Variants in AOPEP observed in about 807,000 individuals in gnomAD.
AOPEP encodes aminopeptidase O (putative), also known as aminopeptidase O.
AOPEP carries 77 observed loss-of-function variants against 98.1 expected under a neutral mutation model. The observed-to-expected ratio is 0.78, with a 90% CI of 0.65 to 0.95. The LOEUF is 0.95. AOPEP is among the 40% of genes least tolerant of loss of function. The pLI, the probability that AOPEP is intolerant of heterozygous loss-of-function variation, is 0.00. For missense variants in AOPEP, 1,024 were observed against 1,024.7 expected (o/e 1.00, Z 0.01); for synonymous variants, 346 against 365.3 (o/e 0.95, Z 0.60).
In AOPEP at chr9:94,846,239, C is replaced by T. The variant is rs542909392; in HGVS notation, c.1364+45237C>T. Among the ~76,000 whole-genome samples, 168 of 152,078 alleles carry T rather than the reference C, an allele frequency of 1.1e-3. 2 individuals are homozygous for T. Among genetic ancestry groups the T allele is most frequent in the Admixed American group, 1.9e-3 (29 of 15,278 alleles). ...ACGTCATGAAACTGGAGAAGCACAA[C>T]GTGGAAGGAGGTGGAAAGAAGATCA... On this transcript the variant is annotated intron_variant, in intron 5 of 16. Transcript: ENST00000375315.
chr9:94,949,455 GT>G (rs1033390981), intron 7 of AOPEP, among the ~76,000 whole-genome samples: 1 of 152,158 alleles, frequency 6.6e-6, no homozygotes, highest in Non-Finnish European at 1.5e-5. Flanking sequence ...AATAAACCTT[GT>G]TTATTTTCCC....
At chr9:94,782,204 CAAAA>C (rs1334437700) in intron 3 of AOPEP, among the ~76,000 whole-genome samples, 1 of 151,336 alleles carries the variant, frequency 6.6e-6, no homozygotes, top group African/African-American at 2.4e-5. Context: ...AAAAAAGAAA[CAAAA>C]AAAGAAAAAG....
chr9:94,838,099 C>T lies in AOPEP; in HGVS notation c.1364+37097C>T, dbSNP rs556837729. On this transcript the variant is annotated intron_variant, in intron 5 of 16. Transcript: ENST00000375315. ...TCTCGGCTCACTGCAAGCCCCGCCT[C>T]CTGGGTTCACGCCATTCTCCTGCCT... Among the ~76,000 whole-genome samples the T allele has an allele frequency of 2.0e-5, 3 of 152,236 alleles. No homozygotes were observed. In the South Asian group the frequency reaches 6.2e-4, roughly 32 times the overall value.
At chr9:94,989,028 C>T (rs553606052) in intron 11 of AOPEP, among the ~76,000 whole-genome samples, 15 of 151,788 alleles carry the variant, frequency 9.9e-5, no homozygotes, top group Non-Finnish European at 1.5e-4. Context: ...CCTGCCTCAG[C>T]GGGGGCAAAC....
intron 5 of AOPEP, among the ~76,000 whole-genome samples, chr9:94,856,864 CAA>C (rs1457890626): frequency 1.3e-5 from 2 of 152,170 alleles, no homozygotes; most frequent in Admixed American, 1.3e-4. Context: ...CATGGAGAGG[CAA>C]AGAGTTCGCT....
chr9:95,086,229 T>G (rs1210615664), intron 16 of AOPEP: 6 of 1,269,332 alleles, frequency 4.7e-6, no homozygotes, highest in Non-Finnish European at 6.1e-6. Flanking sequence ...GTCATCTGCA[T>G]GTGCTCCTGC....
chr9:95,140,768 A>G, the AOPEP span, among the ~76,000 whole-genome samples: 1 of 152,214 alleles, frequency 6.6e-6, no homozygotes, highest in East Asian at 1.9e-4. Flanking sequence ...GTTTGATCCT[A>G]AAGTTGTATT....
At chr9:95,104,038 G>A in the AOPEP span, among the ~76,000 whole-genome samples, 1 of 152,160 alleles carries the variant, frequency 6.6e-6, no homozygotes, top group Non-Finnish European at 1.5e-5. Flanking sequence ...AGCTGTAGGA[G>A]GGAAAGGCCG....
At chr9:95,021,288 C>T (rs1333551990) in intron 13 of AOPEP, among the ~76,000 whole-genome samples, 2 of 152,130 alleles carry the variant, frequency 1.3e-5, no homozygotes, top group Non-Finnish European at 2.9e-5. Flanking sequence ...CATATTTTCT[C>T]TCTAACACAA....
At chr9:94,934,315 C>CTTTTTTTTTTTTTTTTTT (rs974551445) in intron 7 of AOPEP, among the ~76,000 whole-genome samples, 16 of 116,732 alleles carry the variant, frequency 1.4e-4, no homozygotes, top group African/African-American at 6.3e-4. Flanking sequence ...CTTCTCCCAT[C>CTTTTTTTTTTTTTTTTTT]TTTTTTTTTT....
At chr9:94,847,405 T>A (rs370329749) in intron 5 of AOPEP, among the ~76,000 whole-genome samples, 64 of 152,272 alleles carry the variant, frequency 4.2e-4, no homozygotes, top group African/African-American at 1.5e-3. Flanking sequence ...CTGTGGGATG[T>A]GGAGGCAGCA....
chr9:95,121,877 A>AGAT, the AOPEP span, among the ~76,000 whole-genome samples: 2 of 140,162 alleles, frequency 1.4e-5, no homozygotes, highest in South Asian at 2.2e-4. Flanking sequence ...TTTTTTTTTG[A>AGAT]GATGGAGTCT....
intron 15 of AOPEP, among the ~76,000 whole-genome samples, chr9:95,081,792 T>A (rs2069818983): frequency 6.6e-6 from 1 of 152,148 alleles, no homozygotes; most frequent in South Asian, 2.1e-4. Context: ...GGGAAAGCAC[T>A]TTTGAACCCT....
At position 94,760,546 on chromosome 9, in the gene AOPEP, C is replaced by T. The variant is rs779393035; in HGVS notation, c.763C>T (p.Arg255Ter). The stretch of plus-strand genomic sequence containing the variant: ...ATGGTACAAAACTAAACCTGAAGGG[C>T]GATCGGTTACATGGACCTCAGACCA... ...RIWYKTKPEG[R>*]SVTWTSDQSG... The change falls in exon 2 of 17, where the codon CGA becomes TGA. Residue 255 changes from arginine (R) to a stop codon, truncating the protein, a stop_gained. Transcript: ENST00000375315. LOFTEE classifies it high-confidence loss of function. 58 of 1,560,416 alleles carry T rather than the reference C, an allele frequency of 3.7e-5. No individual in the cohort carries two copies. The highest frequency in any genetic ancestry group is 7.4e-5 in the South Asian group (6 of 80,616).
intron 7 of AOPEP, among the ~76,000 whole-genome samples, chr9:94,951,409 T>C (rs1003375370): frequency 6.6e-6 from 1 of 152,216 alleles, no homozygotes; most frequent in Admixed American, 6.5e-5. Flanking sequence ...CCTGGGTTCT[T>C]AACCTCGACT....
intron 5 of AOPEP, among the ~76,000 whole-genome samples, chr9:94,878,412 A>G (rs2047211479): frequency 6.6e-6 from 1 of 151,424 alleles, no homozygotes; most frequent in East Asian, 1.9e-4. Flanking sequence ...GTCCTTTCCA[A>G]CAGGGTTCAA....
At chr9:94,969,508 A>T (rs1431490016) in intron 10 of AOPEP, among the ~76,000 whole-genome samples, 2 of 151,770 alleles carry the variant, frequency 1.3e-5, no homozygotes, top group African/African-American at 4.8e-5. Flanking sequence ...CCTGGATTCA[A>T]GCCATTCTTC....
chr9:94,848,718 T>C (rs2043166046), intron 5 of AOPEP, among the ~76,000 whole-genome samples: 1 of 152,106 alleles, frequency 6.6e-6, no homozygotes, highest in African/African-American at 2.4e-5. Flanking sequence ...CTTCCTCTCC[T>C]GTGAATGCCC....
At chr9:95,000,190 A>G (rs750446971) in intron 11 of AOPEP, among the ~76,000 whole-genome samples, 17 of 152,252 alleles carry the variant, frequency 1.1e-4, no homozygotes, top group Non-Finnish European at 2.9e-5. Flanking sequence ...GCAAATAAAA[A>G]TAATACAAAT....
Sources: gnomAD v4.1 joint callset for allele counts (sites outside exome capture counted in the v4.1 genomes callset) on GRCh38, gnomAD v4.1.1 for gene constraint, MANE v1.5 for transcripts, NCBI Gene and HGNC (gene_info 2026-07-23, HGNC 2026-07-21) for gene names.